CYP4F8: variants seen among roughly 807,000 people sequenced by gnomAD.
The protein encoded by CYP4F8 is cytochrome P450 family 4 subfamily F member 8.
A neutral mutation model predicts 55.0 loss-of-function variants in CYP4F8; 56 were observed. That is an observed-to-expected ratio of 1.02 (90% CI 0.82 to 1.27). The LOEUF (loss-of-function observed/expected upper bound fraction) is 1.27, where lower values mean the gene tolerates loss of function less well. Ranked by LOEUF, CYP4F8 falls within the 50% of genes most tolerant of loss-of-function variation. The pLI, the probability that CYP4F8 is intolerant of heterozygous loss-of-function variation, is 0.00. For missense variants in CYP4F8, 680 were observed against 682.4 expected, an observed-to-expected ratio of 1.00 and a Z score of 0.04; for synonymous variants, 288 against 267.3, an observed-to-expected ratio of 1.08 and a Z score of -0.76.
At position 15,628,377 on chromosome 19, in the gene CYP4F8, A is replaced by G; in HGVS notation, c.1191A>G (p.Thr397=). Residue 397 remains threonine (T), a synonymous_variant, in exon 10 of 13, where the codon ACA becomes ACG. Transcript: ENST00000612078. The part of the protein sequence containing the change: ...ESLRLHPPIP[T]FARGCTQDVV... The stretch of plus-strand genomic sequence containing the variant: ...TGCGGTTGCATCCCCCAATCCCTAC[A>G]TTCGCCCGCGGCTGCACCCAGGACG... 1.9e-6 allele frequency: 3 copies of G among 1,613,944 alleles called. No homozygotes were observed. Among genetic ancestry groups the G allele is most frequent in the Non-Finnish European group, 2.5e-6 (3 of 1,179,978 alleles).
At chr19:15,618,598 T>G in intron 3 of CYP4F8, 1 of 324,252 alleles carries the variant, frequency 3.1e-6, no homozygotes, top group Non-Finnish European at 6.0e-6. Context: ...ATTTTTTTTT[T>G]AAAGCAGGGG....
At chr19:15,615,952 C>G (rs1972111424) in intron 2 of CYP4F8, 138 bp downstream of exon 2, 1 of 739,954 alleles carries the variant, frequency 1.4e-6, no homozygotes, top group Non-Finnish European at 2.0e-6. Context: ...CCTCTTCCCA[C>G]TCATTCCTCT....
In CYP4F8 at chr19:15,624,069, G is replaced by C; in HGVS notation, c.1090G>C (p.Asp364His). Residue 364 changes from aspartate (D) to histidine (H), a missense_variant, in exon 9 of 13, where the codon GAC (aspartate) becomes CAC (histidine). Physicochemically the swap from Asp to His is moderately conservative, Grantham distance 81 (BLOSUM62 -1). Transcript: ENST00000612078. ...CRQEVQELLKDREPKEIEWDD... is the reference protein window; with the variant it reads ...CRQEVQELLKHREPKEIEWDD... ...GCAGGAGGTGCAAGAGCTTCTGAAG[G>C]ACCGTGAGCCTAAAGAGATTGAATG... is the stretch of plus-strand genomic sequence containing the variant. 2 of 1,614,158 alleles carry C rather than the reference G, an allele frequency of 1.2e-6. No individual in the cohort carries two copies. The highest frequency in any genetic ancestry group is 1.6e-4 in the Middle Eastern group (1 of 6,062).
chr19:15,616,529 G>C (rs4808327), intron 2 of CYP4F8, among the ~76,000 whole-genome samples: 89,825 of 151,964 alleles, frequency 0.59, 27,006 homozygotes, highest in Non-Finnish European at 0.65. Context: ...TGGGCTCACT[G>C]TCTAGAACCC....
intron 9 of CYP4F8, chr19:15,628,056 G>T: frequency 1.8e-6 from 1 of 541,164 alleles, no homozygotes. Flanking sequence ...ACTGCACCCC[G>T]CCGGAATGAA....
In CYP4F8 at chr19:15,619,364, G is replaced by C; in HGVS notation, c.344-126G>C. ...ACCCTCCTTTCTTCTTCTGCCCATGGCCTCCTTCCTGCTATGCTGGGCTTG... is the reference window on the plus strand; with the variant it reads ...ACCCTCCTTTCTTCTTCTGCCCATGCCCTCCTTCCTGCTATGCTGGGCTTG... On this transcript the variant is annotated intron_variant, in intron 3 of 12. Coordinates refer to ENST00000612078, the MANE Select transcript of CYP4F8 (RefSeq NM_007253.4). 9 of 1,125,462 alleles carry C rather than the reference G, an allele frequency of 8.0e-6. No homozygotes were observed. In the South Asian group the frequency reaches 1.4e-4, roughly 17 times the overall value. 69.7% of individuals were successfully genotyped at this position (1,125,462 alleles called of 1,614,324 possible). A position where few individuals can be genotyped will look rare whatever the true frequency, so the allele number is the denominator to read the frequency against.
intron 5 of CYP4F8, among the ~76,000 whole-genome samples, chr19:15,620,740 C>CA (rs947348222): frequency 7.9e-5 from 12 of 152,020 alleles, no homozygotes; most frequent in Admixed American, 3.9e-4. Context: ...TTCTATTGGC[C>CA]AAAAAAAGTA....
Position 15,619,477 on chromosome 19 carries a change from T to G in CYP4F8, c.344-13T>G. ...TCCTCTCCATGGACCCTGATGGTCC[T>G]CATTCATGTCAGATGCCATTACAGA... On this transcript the variant is annotated splice_polypyrimidine_tract_variant and intron_variant, in intron 3 of 12. Coordinates refer to ENST00000612078, the MANE Select transcript of CYP4F8 (RefSeq NM_007253.4). The G allele has an allele frequency of 6.2e-7, 1 of 1,614,084 alleles. No individual in the cohort carries two copies. The highest frequency in any genetic ancestry group is 8.5e-7 in the Non-Finnish European group (1 of 1,179,954).
chr19:15,629,305 A>T lies in CYP4F8; in HGVS notation c.1510A>T (p.Ile504Phe), dbSNP rs1568385968. The change falls in exon 13 of 13, where the codon ATT becomes TTT. Residue 504 changes from isoleucine to phenylalanine, a missense_variant. Transcript: ENST00000612078. ...CAGGGAGCCACGCAGGACGCCGGAGATTGTTTTGCGTGCGGAGGACGGACT... is the reference window on the plus strand; with the variant it reads ...CAGGGAGCCACGCAGGACGCCGGAGTTTGTTTTGCGTGCGGAGGACGGACT... ...DHREPRRTPEIVLRAEDGLWL... is the reference protein window; with the variant it reads ...DHREPRRTPEFVLRAEDGLWL... 2 of 1,613,078 alleles carry T rather than the reference A, an allele frequency of 1.2e-6. No individual in the cohort carries two copies. The highest frequency in any genetic ancestry group is 2.2e-5 in the South Asian group (2 of 90,802).
chr19:15,619,153 A>C, intron 3 of CYP4F8: 2 of 244,602 alleles, frequency 8.2e-6, no homozygotes, highest in Non-Finnish European at 1.6e-5. Context: ...TATCATCAGA[A>C]TTCTGTCTTT....
rs1296891670 is a variant in CYP4F8 at position 15,619,733 on chromosome 19, A to G, written c.496A>G (p.Ile166Val). The change falls in exon 5 of 13, where the codon ATT (isoleucine) becomes GTT (valine). Residue 166 changes from isoleucine to valine, a missense_variant. Coordinates refer to ENST00000612078, the MANE Select transcript of CYP4F8 (RefSeq NM_007253.4). ...CAACATCCTGAAGCCCTATATAAAGATTTTCAGCAAGAGTGCAAACATCAT... is the reference window on the plus strand; with the variant it reads ...CAACATCCTGAAGCCCTATATAAAGGTTTTCAGCAAGAGTGCAAACATCAT... ...HFNILKPYIKIFSKSANIMHA... is the reference protein window; with the variant it reads ...HFNILKPYIKVFSKSANIMHA... 3 of 1,614,012 alleles carry G rather than the reference A, an allele frequency of 1.9e-6. No individual in the cohort carries two copies. In the African/African-American group the frequency reaches 4.0e-5, roughly 22 times the overall value.
Position 15,618,111 on chromosome 19 carries a change from C to A in CYP4F8, c.310C>A (p.Pro104Thr). The change falls in exon 3 of 13, where the codon CCT becomes ACT. Residue 104 changes from proline to threonine, a missense_variant. Physicochemically the swap from Pro to Thr is conservative, Grantham distance 38. Coordinates refer to ENST00000612078, the MANE Select transcript of CYP4F8 (RefSeq NM_007253.4). ...CACTCCCATCATCAACTTGTGCCAC[C>A]CTGACATCGTCCGATCTGTCATCAA... ...PITPIINLCH[P>T]DIVRSVINTS... 1 of 1,614,068 alleles carries A rather than the reference C, an allele frequency of 6.2e-7. No individual in the cohort carries two copies. The highest frequency in any genetic ancestry group is 1.1e-5 in the South Asian group (1 of 91,066).
At chr19:15,618,363 C>G (rs1227494819) in intron 3 of CYP4F8, 2 of 811,434 alleles carry the variant, frequency 2.5e-6, no homozygotes, top group Non-Finnish European at 4.0e-6. Context: ...TTCTGGGAAC[C>G]ACTGGGGCCC....
intron 5 of CYP4F8, chr19:15,621,872 C>A (rs2144605839): frequency 5.0e-6 from 1 of 201,388 alleles, no homozygotes; most frequent in Non-Finnish European, 1.0e-5. Flanking sequence ...GTCAGTGAGT[C>A]TAAGAGTGGG....
rs750297568 is a variant in CYP4F8 at position 15,628,306 on chromosome 19, GA to G, written c.1121del (p.Asp374AlafsTer8). 6.2e-7 allele frequency: 1 copy of G among 1,613,904 alleles called. No individual in the cohort carries two copies. Among genetic ancestry groups the G allele is most frequent in the Non-Finnish European group, 8.5e-7 (1 of 1,179,994 alleles). ...DREPKEIEWD[D>X]LAQLPFLTMC... ...AATTGTTGGGTGTTTCCTTAGGGACGACCTGGCCCAGTTGCCCTTCCTGACC... is the reference window on the plus strand; with the variant it reads ...AATTGTTGGGTGTTTCCTTAGGGACGCCTGGCCCAGTTGCCCTTCCTGACC... On this transcript the variant is annotated frameshift_variant, in exon 10 of 13. Transcript: ENST00000612078. LOFTEE classifies it high-confidence loss of function.
chr19:15,626,001 G>A (rs575108858), intron 9 of CYP4F8, among the ~76,000 whole-genome samples: 17 of 152,244 alleles, frequency 1.1e-4, no homozygotes, highest in South Asian at 6.2e-4. Context: ...TTTGTGCTAC[G>A]TTTGCAGCAC....
In CYP4F8 at chr19:15,618,065, T is replaced by C; in HGVS notation, c.264T>C (p.Phe88=). 1 of 1,614,118 alleles carries C rather than the reference T, an allele frequency of 6.2e-7. No homozygotes were observed. Among genetic ancestry groups the C allele is most frequent in the Admixed American group, 1.7e-5 (1 of 60,022 alleles). Residue 88 remains phenylalanine, a synonymous_variant, in exon 3 of 13, where the codon TTT becomes TTC. Coordinates refer to ENST00000612078, the MANE Select transcript of CYP4F8 (RefSeq NM_007253.4). ...TGGTGGCCACCTACCCCCAGGGCTT[T>C]GTGAGGTGGTTGGGCCCCATCACTC... is the stretch of plus-strand genomic sequence containing the variant. ...TQLVATYPQG[F]VRWLGPITPI...
At chr19:15,618,302 C>G (rs760450768) in intron 3 of CYP4F8, 158 bp downstream of exon 3, 1 of 1,120,542 alleles carries the variant, frequency 8.9e-7, no homozygotes, top group Admixed American at 1.9e-5. Flanking sequence ...GTCACCAACC[C>G]CAACCTCAGT....
chr19:15,617,993 C>T lies in CYP4F8; in HGVS notation c.199-7C>T, dbSNP rs1410987630. The T allele has an allele frequency of 3.7e-6, 6 of 1,612,926 alleles. No individual in the cohort carries two copies. Among genetic ancestry groups the T allele is most frequent in the Non-Finnish European group, 5.1e-6 (6 of 1,179,316 alleles). On this transcript the variant is annotated splice_region_variant and splice_polypyrimidine_tract_variant and intron_variant, in intron 2 of 12. Coordinates refer to ENST00000612078, the MANE Select transcript of CYP4F8 (RefSeq NM_007253.4). ...ACAGGAGGTGATGGCCCTTGCCTTG[C>T]TTGCAGGTCACTCCCACAGAGGAGG... is the stretch of plus-strand genomic sequence containing the variant.
Sources: allele counts gnomAD v4.1 joint callset (sites outside exome capture counted in the v4.1 genomes callset), GRCh38; gene constraint gnomAD v4.1.1; transcripts MANE v1.5; gene names NCBI Gene and HGNC (gene_info 2026-07-23, HGNC 2026-07-21).